FBXL2: variants seen among roughly 807,000 people sequenced by gnomAD.
The protein encoded by FBXL2 is F-box/LRR-repeat protein 2.
Under a neutral mutation model 69.2 loss-of-function variants are expected in FBXL2, and 38 were observed. That is an observed-to-expected ratio of 0.55 (90% CI 0.42 to 0.72). FBXL2 has a LOEUF of 0.72. Among genes scored for constraint, FBXL2 ranks in the 30% least tolerant of loss-of-function variants. The pLI, the probability that FBXL2 is intolerant of heterozygous loss-of-function variation, is 0.00. For synonymous variants in FBXL2, 192 were observed against 201.3 expected, an observed-to-expected ratio of 0.95 and a Z score of 0.39; for missense variants, 354 against 520.3, an observed-to-expected ratio of 0.68 and a Z score of 3.11.
At chr3:33,340,522 T>C (rs1323131399) in intron 2 of FBXL2, among the ~76,000 whole-genome samples, 1 of 143,596 alleles carries the variant, frequency 7.0e-6, no homozygotes, top group East Asian at 2.0e-4. Flanking sequence ...CTTTGAAAGG[T>C]ACTCAGGAAC....
intron 13 of FBXL2, among the ~76,000 whole-genome samples, chr3:33,379,486 C>T (rs1449980006): frequency 6.7e-6 from 1 of 149,820 alleles, no homozygotes; most frequent in Non-Finnish European, 1.5e-5. Flanking sequence ...TCCCGAGTAG[C>T]TGGGATTACA....
chr3:33,316,045 T>C (rs2125778950), intron 2 of FBXL2, among the ~76,000 whole-genome samples: 1 of 151,928 alleles, frequency 6.6e-6, no homozygotes, highest in Admixed American at 6.6e-5. Context: ...TACTTCTTTG[T>C]TCTCTGTTTT....
chr3:33,374,730 G>T (rs1448664433), intron 9 of FBXL2, among the ~76,000 whole-genome samples: 1 of 152,124 alleles, frequency 6.6e-6, no homozygotes, highest in Non-Finnish European at 1.5e-5. Flanking sequence ...CTGTTTAAGT[G>T]AACATATTAT....
chr3:33,421,980 G>A, the FBXL2 span, among the ~76,000 whole-genome samples: 1 of 152,060 alleles, frequency 6.6e-6, no homozygotes, highest in Non-Finnish European at 1.5e-5. Context: ...GGTGGCAGAG[G>A]TTGCAGTGAG....
intron 13 of FBXL2, chr3:33,383,460 G>A (rs1457352079): frequency 6.3e-6 from 1 of 159,938 alleles, no homozygotes; most frequent in Non-Finnish European, 1.4e-5. Context: ...AGTAATGTCA[G>A]ATCACACTGT....
intron 2 of FBXL2, among the ~76,000 whole-genome samples, chr3:33,318,762 A>G (rs1422704501): frequency 6.6e-6 from 1 of 152,176 alleles, no homozygotes; most frequent in East Asian, 1.9e-4. Context: ...ATTATTGCTC[A>G]ACTAATAGAA....
intron 2 of FBXL2, among the ~76,000 whole-genome samples, chr3:33,302,340 T>G (rs2036367548): frequency 6.6e-6 from 1 of 152,186 alleles, no homozygotes; most frequent in African/African-American, 2.4e-5. Context: ...GTGTGACACC[T>G]GATTTACAAC....
chr3:33,359,378 A>G, intron 4 of FBXL2, 21 bp downstream of exon 4: 2 of 1,590,362 alleles, frequency 1.3e-6, no homozygotes, highest in Non-Finnish European at 8.6e-7. Flanking sequence ...TTTGGTTTAG[A>G]CAAAAAACTT....
chr3:33,381,547 C>T (rs1380849746), intron 13 of FBXL2, among the ~76,000 whole-genome samples: 2 of 151,936 alleles, frequency 1.3e-5, no homozygotes, highest in Admixed American at 1.3e-4. Context: ...CCGCTTGAAC[C>T]TGGGAGGTGG....
downstream of FBXL2, among the ~76,000 whole-genome samples, chr3:33,408,217 G>A (rs567238472): frequency 1.3e-5 from 2 of 152,196 alleles, no homozygotes; most frequent in East Asian, 3.9e-4. Context: ...AGAACTGCAC[G>A]TGTTAATGTC....
intron 2 of FBXL2, among the ~76,000 whole-genome samples, chr3:33,336,518 C>G (rs2039590199): frequency 6.6e-6 from 1 of 152,194 alleles, no homozygotes; most frequent in Non-Finnish European, 1.5e-5. Context: ...TTTATAATCT[C>G]AGGGTAAGCA....
chr3:33,300,172 G>T (rs962721939), intron 2 of FBXL2, among the ~76,000 whole-genome samples: 8 of 152,242 alleles, frequency 5.3e-5, no homozygotes, highest in African/African-American at 1.9e-4. Context: ...CTTCTGCTGT[G>T]ACTCAAGGCT....
At chr3:33,312,969 A>G (rs1457382541) in intron 2 of FBXL2, among the ~76,000 whole-genome samples, 5 of 151,894 alleles carry the variant, frequency 3.3e-5, no homozygotes, top group African/African-American at 1.2e-4. Flanking sequence ...GAAATGCAAA[A>G]AATTTGCTGG....
chr3:33,421,169 T>C, the FBXL2 span, among the ~76,000 whole-genome samples: 1 of 152,254 alleles, frequency 6.6e-6, no homozygotes, highest in African/African-American at 2.4e-5. Context: ...GCCAGCTATG[T>C]GTACTCCACC....
the FBXL2 span, among the ~76,000 whole-genome samples, chr3:33,415,691 A>C: frequency 6.6e-6 from 1 of 152,056 alleles, no homozygotes; most frequent in Admixed American, 6.6e-5. Flanking sequence ...AAATCCTACT[A>C]AATTTTATTA....
At chr3:33,363,316 C>T (rs2041756569) in intron 4 of FBXL2, among the ~76,000 whole-genome samples, 1 of 152,218 alleles carries the variant, frequency 6.6e-6, no homozygotes, top group African/African-American at 2.4e-5. Flanking sequence ...GCAGGGATTA[C>T]AGGCGTGAGC....
At chr3:33,343,679 AT>A (rs2040235120) in intron 2 of FBXL2, among the ~76,000 whole-genome samples, 1 of 152,088 alleles carries the variant, frequency 6.6e-6, no homozygotes, top group African/African-American at 2.4e-5. Context: ...CCTACTTCCA[AT>A]TATATAGTGT....
chr3:33,418,329 C>T, the FBXL2 span, among the ~76,000 whole-genome samples: 1 of 152,070 alleles, frequency 6.6e-6, no homozygotes, highest in Non-Finnish European at 1.5e-5. Context: ...TCTCGGCTCA[C>T]TGCAACCTCC....
intron 4 of FBXL2, among the ~76,000 whole-genome samples, chr3:33,362,874 C>T (rs1559607230): frequency 6.6e-6 from 1 of 151,444 alleles, no homozygotes; most frequent in Non-Finnish European, 1.5e-5. Flanking sequence ...CCCCTGGTGA[C>T]AAAGATTTAT....
Sources: allele counts gnomAD v4.1 joint callset (sites outside exome capture counted in the v4.1 genomes callset), GRCh38; gene constraint gnomAD v4.1.1; transcripts MANE v1.5; gene names NCBI Gene and HGNC (gene_info 2026-07-23, HGNC 2026-07-21).